Variants in HMGCL observed in about 807,000 individuals in gnomAD.
HMGCL encodes hydroxymethylglutaryl-CoA lyase, mitochondrial.
Under a neutral mutation model 37.3 loss-of-function variants are expected in HMGCL, and 26 were observed. That is an observed-to-expected ratio of 0.70 (90% CI 0.51 to 0.97). HMGCL has a LOEUF of 0.97. Among genes scored for constraint, HMGCL ranks in the 50% least tolerant of loss-of-function variants. The pLI is 0.00. For synonymous variants in HMGCL, 151 were observed against 148.0 expected (o/e 1.02, Z -0.15); for missense variants, 379 against 398.1 (o/e 0.95, Z 0.41).
intron 6 of HMGCL, 50 bp from the exon 7 acceptor site, chr1:23,808,373 G>T (rs372675468): frequency 1.3e-6 from 2 of 1,504,028 alleles, no homozygotes; most frequent in Non-Finnish European, 1.9e-6. Context: ...CCAGCCAGGG[G>T]ATCCATGCAC....
intron 4 of HMGCL, among the ~76,000 whole-genome samples, chr1:23,814,699 A>C (rs1350589124): frequency 6.6e-6 from 1 of 152,184 alleles, no homozygotes; most frequent in Non-Finnish European, 1.5e-5. Context: ...ACACTGACAC[A>C]GAGTAGCAAA....
intron 1 of HMGCL, among the ~76,000 whole-genome samples, chr1:23,822,414 T>C (rs562182998): frequency 2.5e-4 from 38 of 152,350 alleles, no homozygotes; most frequent in African/African-American, 7.9e-4. Flanking sequence ...ACTTTTTTTT[T>C]CCTCTTTCCT....
intron 3 of HMGCL, 70 bp from the exon 4 acceptor site, chr1:23,816,840 T>G: frequency 1.1e-6 from 1 of 931,752 alleles, no homozygotes; most frequent in Non-Finnish European, 1.8e-6. Flanking sequence ...GAGAAAACCT[T>G]TTCATCACAA....
chr1:23,817,647 A>T, intron 2 of HMGCL, 64 bp from the exon 3 acceptor site: 1 of 958,998 alleles, frequency 1.0e-6, no homozygotes, highest in East Asian at 2.4e-5. Flanking sequence ...AAAATGCAGT[A>T]CCTGTTAGTT....
At chr1:23,805,419 A>C (rs1638388938) in intron 7 of HMGCL, among the ~76,000 whole-genome samples, 1 of 152,194 alleles carries the variant, frequency 6.6e-6, no homozygotes, top group African/African-American at 2.4e-5. Context: ...TTCCCATTTA[A>C]CATCTACCAT....
At position 23,802,494 on chromosome 1, in the gene HMGCL, G is replaced by C. The variant is rs1439095805; in HGVS notation, c.947C>G (p.Ser316Cys). 6.2e-7 allele frequency: 1 copy of C among 1,613,752 alleles called. No individual in the cohort carries two copies. Among genetic ancestry groups the C allele is most frequent in the Non-Finnish European group, 8.5e-7 (1 of 1,179,766 alleles). The change falls in exon 9 of 9, where the codon TCC becomes TGC. Residue 316 changes from serine (S) to cysteine (C), a missense_variant. Transcript: ENST00000374490. ...TTTACAGGTAGCCTGAGCCACTTTG[G>C]AGCTAGTTTTTCTGTTCAGGGCTTG... Reference protein sequence around the residue: ...ICQALNRKTSSKVAQATCKL With the variant: ...ICQALNRKTSCKVAQATCKL
intron 1 of HMGCL, among the ~76,000 whole-genome samples, chr1:23,824,680 G>A (rs1390519527): frequency 6.6e-6 from 1 of 152,206 alleles, no homozygotes; most frequent in Non-Finnish European, 1.5e-5. Context: ...CCAAGGGAAT[G>A]TTGTCCGTTT....
At chr1:23,810,556 AGGGG>A in intron 6 of HMGCL, 176 bp downstream of exon 6, 1 of 640,344 alleles carries the variant, frequency 1.6e-6, no homozygotes, top group Admixed American at 2.3e-5. Flanking sequence ...TTCGGCTAGG[AGGGG>A]GGCCTCTAGG....
Position 23,802,421 on chromosome 1 carries a change from C to G in HMGCL, c.*42G>C, listed in dbSNP as rs1195283417. On this transcript the variant is annotated 3_prime_UTR_variant, in exon 9 of 9. Transcript: ENST00000374490. ...ATCCATGAATCATCTGTGTGTGCCC[C>G]TATTTCCACATCATCCCCAGGGCTT... is the stretch of plus-strand genomic sequence containing the variant. 3 of 1,181,624 alleles carry G rather than the reference C, an allele frequency of 2.5e-6. No homozygotes were observed. The highest frequency in any genetic ancestry group is 1.5e-5 in the African/African-American group (1 of 66,524). 73.2% of individuals were successfully genotyped at this position (1,181,624 alleles called of 1,614,324 possible).
Position 23,816,789 on chromosome 1 carries a change from A to ATTG in HMGCL, c.253-22_253-20dup. 1 of 1,457,150 alleles carries ATTG rather than the reference A, an allele frequency of 6.9e-7. No homozygotes were observed. Among genetic ancestry groups the ATTG allele is most frequent in the Non-Finnish European group, 9.6e-7 (1 of 1,036,666 alleles). The allele number at this position is 1,457,150 out of a possible 1,614,324, so 90.3% of individuals were successfully genotyped here. ...CACCCATCTAGGAACCAAGGGAGAC[A>ATTG]TTGCCAAGTCATCACCAAGAGCAGA... is the stretch of plus-strand genomic sequence containing the variant. On this transcript the variant is annotated intron_variant, in intron 3 of 8. Transcript: ENST00000374490.
intron 2 of HMGCL, among the ~76,000 whole-genome samples, chr1:23,818,295 C>T (rs770775291): frequency 9.2e-5 from 14 of 152,080 alleles, no homozygotes; most frequent in Non-Finnish European, 2.1e-4. Context: ...CCCCTCTCTA[C>T]AAAAAATACA....
intron 7 of HMGCL, 87 bp from the exon 8 acceptor site, chr1:23,804,612 T>A: frequency 7.0e-7 from 1 of 1,431,922 alleles, no homozygotes; most frequent in Non-Finnish European, 9.8e-7. Context: ...AATCGTCTGT[T>A]GCCTGAAATT....
intron 7 of HMGCL, among the ~76,000 whole-genome samples, chr1:23,804,803 T>G (rs2148417208): frequency 6.6e-6 from 1 of 152,154 alleles, no homozygotes; most frequent in East Asian, 1.9e-4. Flanking sequence ...GGGAGACCTT[T>G]TCTGATCACC....
intron 6 of HMGCL, among the ~76,000 whole-genome samples, chr1:23,808,917 A>T (rs1454347512): frequency 6.7e-6 from 1 of 150,338 alleles, no homozygotes; most frequent in Admixed American, 6.6e-5. Flanking sequence ...ACATATATAT[A>T]TTTTTTGAGA....
chr1:23,807,814 G>A (rs1174627493), intron 7 of HMGCL, among the ~76,000 whole-genome samples: 1 of 152,132 alleles, frequency 6.6e-6, no homozygotes, highest in Non-Finnish European at 1.5e-5. Context: ...TGTTCTTCAA[G>A]CTTCACTGAG....
intron 6 of HMGCL, chr1:23,809,719 A>C (rs1638485161): frequency 6.6e-6 from 1 of 152,236 alleles, no homozygotes; most frequent in African/African-American, 2.4e-5. Context: ...AACTTAAAAA[A>C]AGATGGCCTC....
At chr1:23,825,285 C>G in intron 1 of HMGCL, 71 bp downstream of exon 1, 4 of 1,323,382 alleles carry the variant, frequency 3.0e-6, no homozygotes, top group Middle Eastern at 1.8e-4. Flanking sequence ...GCAGTCACCA[C>G]GGGCCAAGCC....
In HMGCL at chr1:23,810,796, G is replaced by C. The variant is rs200189529; in HGVS notation, c.501C>G (p.Tyr167Ter). 1.2e-6 allele frequency: 2 copies of C among 1,613,026 alleles called. No homozygotes were observed. Among genetic ancestry groups the C allele is most frequent in the Non-Finnish European group, 8.5e-7 (1 of 1,179,178 alleles). Residue 167 changes from tyrosine to a stop codon, truncating the protein, a stop_gained, in exon 6 of 9, where the codon TAC becomes TAG. Coordinates refer to ENST00000374490, the MANE Select transcript of HMGCL (RefSeq NM_000191.3). LOFTEE classifies it high-confidence loss of function. ...AAGGGCAGCCAAGAGCACAGGAGAC[G>C]TACCTGTGGGAAGACAGGGGAGGAA... ...AQSANISVRG[Y>*]VSCALGCPYE...
chr1:23,811,986 C>G (rs1051397858), intron 5 of HMGCL, among the ~76,000 whole-genome samples: 6 of 152,166 alleles, frequency 3.9e-5, no homozygotes, highest in African/African-American at 1.4e-4. Context: ...AAGAGAGATG[C>G]TTAGAAAGAC....
Sources: allele counts gnomAD v4.1 joint callset (sites outside exome capture counted in the v4.1 genomes callset), GRCh38; gene constraint gnomAD v4.1.1; transcripts MANE v1.5; gene names NCBI Gene and HGNC (gene_info 2026-07-23, HGNC 2026-07-21).